CHD9: variants seen among roughly 807,000 people sequenced by gnomAD.
CHD9 encodes ATP-dependent chromatin remodeler CHD9.
Under a neutral mutation model 316.1 loss-of-function variants are expected in CHD9, and 77 were observed. That is an observed-to-expected ratio of 0.24 (90% confidence interval 0.20 to 0.29). The LOEUF (loss-of-function observed/expected upper bound fraction) is 0.29, where lower values mean the gene tolerates loss of function less well. Ranked by LOEUF, CHD9 falls within the 10% of genes least tolerant of loss-of-function variation. CHD9 has a pLI of 1.00. For synonymous variants in CHD9, 1,129 were observed against 1,158.3 expected, an observed-to-expected ratio of 0.97 and a Z score of 0.51; for missense variants, 2,763 against 3,438.1, an observed-to-expected ratio of 0.80 and a Z score of 4.91.
chr16:53,324,101 C>T lies in CHD9; in HGVS notation c.7900C>T (p.Pro2634Ser). The T allele has an allele frequency of 6.2e-7, 1 of 1,613,918 alleles. No homozygotes were observed. The change falls in exon 39 of 39, where the codon CCT (proline) becomes TCT (serine). Residue 2634 changes from proline to serine, a missense_variant. By Grantham distance (74) the Pro-to-Ser change is moderately conservative (BLOSUM62 -1). Coordinates refer to ENST00000447540, the MANE Select transcript of CHD9 (RefSeq NM_001308319.2). ...REEVSRRGRRPKSGIAKATAA... is the reference protein window; with the variant it reads ...REEVSRRGRRSKSGIAKATAA... Reference sequence around the variant, plus strand: ...GGAAGTAAGCAGGCGGGGGAGACGGCCTAAAAGTGGAATTGCAAAGGCCAC... The same window carrying T: ...GGAAGTAAGCAGGCGGGGGAGACGGTCTAAAAGTGGAATTGCAAAGGCCAC...
chr16:53,088,500 G>A (rs1283595478), intron 1 of CHD9, among the ~76,000 whole-genome samples: 3 of 151,798 alleles, frequency 2.0e-5, no homozygotes, highest in Admixed American at 6.6e-5. Context: ...GGATGGTCTC[G>A]ATCTCCTGAC....
intron 2 of CHD9, among the ~76,000 whole-genome samples, chr16:53,201,745 T>G (rs2045475016): frequency 6.6e-6 from 1 of 152,088 alleles, no homozygotes; most frequent in Non-Finnish European, 1.5e-5. Flanking sequence ...AGCCACCCCC[T>G]CCATGGATAT....
intron 1 of CHD9, among the ~76,000 whole-genome samples, chr16:53,061,527 T>A (rs1433853003): frequency 6.6e-6 from 1 of 152,052 alleles, no homozygotes; most frequent in Non-Finnish European, 1.5e-5. Context: ...GAGAGTGAAA[T>A]TAACCGAGAA....
chr16:53,059,497 A>C (rs927353047), intron 1 of CHD9, among the ~76,000 whole-genome samples: 5 of 152,236 alleles, frequency 3.3e-5, no homozygotes, highest in African/African-American at 1.2e-4. Context: ...TACTGGTATA[A>C]AGACATGAAT....
intron 1 of CHD9, among the ~76,000 whole-genome samples, chr16:53,087,904 T>C (rs879373544): frequency 9.9e-5 from 15 of 150,846 alleles, no homozygotes; most frequent in African/African-American, 2.4e-4. Context: ...GCCGAGATCA[T>C]GCCATTGCAC....
chr16:53,274,882 C>T (rs1047408900), intron 24 of CHD9, among the ~76,000 whole-genome samples: 7 of 152,152 alleles, frequency 4.6e-5, no homozygotes, highest in Admixed American at 2.0e-4. Flanking sequence ...AAGGAATTAA[C>T]CCTTGCCAAT....
chr16:53,195,587 A>C (rs188920171), intron 2 of CHD9, among the ~76,000 whole-genome samples: 1 of 152,036 alleles, frequency 6.6e-6, no homozygotes, highest in Non-Finnish European at 1.5e-5. Flanking sequence ...TTTCCTTGCA[A>C]CTGTAGAACT....
rs1328803956 is a variant in CHD9, at chr16:53,255,899, G to GTAATGTATTT, written c.4209+122_4209+131dup. The GTAATGTATTT allele has an allele frequency of 5.6e-6, 5 of 892,198 alleles. No homozygotes were observed. The African/African-American group carries it at 8.3e-5, about 15-fold the overall frequency. The allele number at this position is 892,198 out of a possible 1,614,324, so 55.3% of individuals were successfully genotyped here. ...TACTGAATTAGCCAAGATGCAGTAG[G>GTAATGTATTT]TAATGTATTTTCCTTCATTTTTTTC... On this transcript the variant is annotated intron_variant, in intron 19 of 38. Transcript: ENST00000447540.
At chr16:53,074,510 G>A in intron 1 of CHD9, among the ~76,000 whole-genome samples, 1 of 152,220 alleles carries the variant, frequency 6.6e-6, no homozygotes, top group Middle Eastern at 3.2e-3. Flanking sequence ...CAGGCCCAGA[G>A]GTTGAGGAGG....
chr16:53,147,138 G>A (rs1453452161), intron 1 of CHD9, among the ~76,000 whole-genome samples: 1 of 152,118 alleles, frequency 6.6e-6, no homozygotes, highest in African/African-American at 2.4e-5. Flanking sequence ...ATGTTAGCTA[G>A]TACTAAGTCA....
chr16:53,056,857 A>C (rs1231823972), intron 1 of CHD9, among the ~76,000 whole-genome samples: 1 of 152,240 alleles, frequency 6.6e-6, no homozygotes, highest in Non-Finnish European at 1.5e-5. Flanking sequence ...GATTCTCATT[A>C]TTCACAAGTT....
chr16:53,129,914 C>G (rs116685256), intron 1 of CHD9, among the ~76,000 whole-genome samples: 201 of 152,264 alleles, frequency 1.3e-3, no homozygotes, highest in African/African-American at 4.6e-3. Flanking sequence ...CCCTAGGACA[C>G]GCTAGGATTT....
chr16:53,172,096 A>C (rs1222421846), intron 2 of CHD9, among the ~76,000 whole-genome samples: 4 of 152,190 alleles, frequency 2.6e-5, no homozygotes, highest in Non-Finnish European at 5.9e-5. Flanking sequence ...AAATTTTGAC[A>C]TATGTATATA....
chr16:53,208,912 C>T lies in CHD9; in HGVS notation c.1453-570C>T, dbSNP rs147613330. Among the ~76,000 whole-genome samples, 364 of 152,190 alleles carry T rather than the reference C, an allele frequency of 2.4e-3. 2 individuals are homozygous for T. Among genetic ancestry groups the T allele is most frequent in the Admixed American group, 0.017 (267 of 15,280 alleles). Reference sequence around the variant, plus strand: ...TATAGAAAAAGAAAAAAAATTTTCACATTTAACTCTTTCATGGGAAAACTA... The same window carrying T: ...TATAGAAAAAGAAAAAAAATTTTCATATTTAACTCTTTCATGGGAAAACTA... On this transcript the variant is annotated intron_variant, in intron 2 of 38. Coordinates refer to ENST00000447540, the MANE Select transcript of CHD9 (RefSeq NM_001308319.2).
intron 31 of CHD9, among the ~76,000 whole-genome samples, chr16:53,305,314 G>A (rs1301653587): frequency 6.6e-6 from 1 of 152,152 alleles, no homozygotes; most frequent in Non-Finnish European, 1.5e-5. Flanking sequence ...GCCCGCCTTA[G>A]CCTCCCAAAG....
At chr16:53,076,328 A>C (rs1257088940) in intron 1 of CHD9, among the ~76,000 whole-genome samples, 1 of 152,198 alleles carries the variant, frequency 6.6e-6, no homozygotes, top group East Asian at 1.9e-4. Context: ...TAATCACAGC[A>C]CTTTGGGAGG....
At chr16:53,322,416 G>A (rs903032315) in intron 38 of CHD9, among the ~76,000 whole-genome samples, 3 of 151,348 alleles carry the variant, frequency 2.0e-5, no homozygotes, top group African/African-American at 7.3e-5. Context: ...GAGACCAGCC[G>A]GCCAACACAG....
intron 2 of CHD9, among the ~76,000 whole-genome samples, chr16:53,200,558 C>T (rs1176149805): frequency 2.0e-5 from 3 of 151,912 alleles, no homozygotes; most frequent in Non-Finnish European, 4.4e-5. Context: ...GAAGAGACAG[C>T]TCTTGTTTAG....
intron 18 of CHD9, 181 bp downstream of exon 18, chr16:53,254,786 G>C: frequency 2.4e-6 from 1 of 424,858 alleles, no homozygotes; most frequent in Non-Finnish European, 4.1e-6. Flanking sequence ...TTCTTTCTGT[G>C]TAGCTCCAGA....
Sources: allele counts gnomAD v4.1 joint callset (sites outside exome capture counted in the v4.1 genomes callset), GRCh38; gene constraint gnomAD v4.1.1; transcripts MANE v1.5; gene names NCBI Gene and HGNC (gene_info 2026-07-23, HGNC 2026-07-21).